The following NAA50 variants were observed in gnomAD, a reference collection of about 807,000 sequenced individuals.
NAA50 encodes N-alpha-acetyltransferase 50.
A neutral mutation model predicts 20.7 loss-of-function variants in NAA50; 7 were observed. The ratio of observed to expected loss-of-function variants is 0.34; its 90% CI spans 0.19 to 0.63. The LOEUF (loss-of-function observed/expected upper bound fraction) is 0.63. NAA50 is among the 30% of genes least tolerant of loss of function. The probability of loss-of-function intolerance (pLI) is 0.75; values close to 1 mark genes in which losing one functional copy is unlikely to be tolerated. For missense variants in NAA50, 111 were observed against 199.1 expected (o/e 0.56, Z 2.66); for synonymous variants, 54 against 70.6 (o/e 0.77, Z 1.18).
At chr3:113,730,025 C>T (rs1708252077) in intron 1 of NAA50, among the ~76,000 whole-genome samples, 1 of 152,102 alleles carries the variant, frequency 6.6e-6, no homozygotes, top group African/African-American at 2.4e-5. Context: ...ATGGGCCAGG[C>T]ACAGTGGCTC....
chr3:113,728,079 TAAAAA>T (rs11429752), intron 1 of NAA50, among the ~76,000 whole-genome samples: 1 of 140,722 alleles, frequency 7.1e-6, no homozygotes, highest in Non-Finnish European at 1.5e-5. Flanking sequence ...AACACGGAGT[TAAAAA>T]AAAAAAAAGG....
In NAA50 at chr3:113,719,418, CAA is replaced by C. The variant is rs1559735839; in HGVS notation, c.*2340_*2341del. Reference sequence around the variant, plus strand: ...TCCAGTTAACAGAATTGTTCTACTTCAAAGATAATTATTATCATATATCAAAA... The same window carrying C: ...TCCAGTTAACAGAATTGTTCTACTTCAGATAATTATTATCATATATCAAAA... On this transcript the variant is annotated 3_prime_UTR_variant, in exon 5 of 5. Transcript: ENST00000240922. 6.6e-6 allele frequency: 1 copy of C among 152,546 alleles called. No homozygotes were observed. Among genetic ancestry groups the C allele is most frequent in the Non-Finnish European group, 1.5e-5 (1 of 67,994 alleles). 9.4% of individuals were successfully genotyped at this position (152,546 alleles called of 1,614,324 possible). A position where few individuals can be genotyped will look rare whatever the true frequency, so the allele number is the denominator to read the frequency against.
intron 3 of NAA50, 70 bp from the exon 4 acceptor site, chr3:113,723,042 G>A: frequency 6.9e-7 from 1 of 1,443,710 alleles, no homozygotes; most frequent in Non-Finnish European, 9.2e-7. Flanking sequence ...CTATCCACTT[G>A]CCATCTGAAC....
At chr3:113,733,346 T>C (rs1031581717) in intron 1 of NAA50, among the ~76,000 whole-genome samples, 9 of 152,206 alleles carry the variant, frequency 5.9e-5, no homozygotes, top group African/African-American at 1.7e-4. Context: ...TCAATTTTTT[T>C]TTTTAATTAG....
rs1199693263 is a variant in NAA50, at chr3:113,721,659, A to T, written c.*101T>A. On this transcript the variant is annotated 3_prime_UTR_variant, in exon 5 of 5. Coordinates refer to ENST00000240922, the MANE Select transcript of NAA50 (RefSeq NM_025146.4). ...GAAAGAAAAACAAGAACAAGGAGGG[A>T]GAAAAGCTTTAAAAGAAAAGTGTTG... is the stretch of plus-strand genomic sequence containing the variant. 1 of 1,213,624 alleles carries T rather than the reference A, an allele frequency of 8.2e-7. No individual in the cohort carries two copies. Among genetic ancestry groups the T allele is most frequent in the African/African-American group, 1.5e-5 (1 of 65,562 alleles). The allele number at this position is 1,213,624 out of a possible 1,614,324, so 75.2% of individuals were successfully genotyped here.
In NAA50 at chr3:113,746,205, C is replaced by A. The variant is rs1437097463; in HGVS notation, c.-256G>T. The A allele has an allele frequency of 4.0e-6, 2 of 502,616 alleles. No individual in the cohort carries two copies. Among genetic ancestry groups the A allele is most frequent in the African/African-American group, 2.1e-5 (1 of 48,758 alleles). The allele number at this position is 502,616 out of a possible 1,614,324, so 31.1% of individuals were successfully genotyped here. ...TGCACTCGGGTCTCTCGGCTCCCTC[C>A]CGCCGCTGCCGCCAGCCAGACCCGC... On this transcript the variant is annotated 5_prime_UTR_variant, in exon 1 of 5. Coordinates refer to ENST00000240922, the MANE Select transcript of NAA50 (RefSeq NM_025146.4).
intron 1 of NAA50, among the ~76,000 whole-genome samples, chr3:113,739,051 A>G (rs1260368764): frequency 6.6e-6 from 1 of 152,258 alleles, no homozygotes; most frequent in African/African-American, 2.4e-5. Context: ...AAAATGGTAT[A>G]TGTCCAAACT....
intron 1 of NAA50, among the ~76,000 whole-genome samples, chr3:113,744,216 C>G (rs920024199): frequency 1.3e-5 from 2 of 152,182 alleles, no homozygotes; most frequent in Non-Finnish European, 2.9e-5. Flanking sequence ...AATCCCAGCA[C>G]TTTGGGAGGC....
At chr3:113,723,909 G>C in intron 2 of NAA50, 50 bp downstream of exon 2, 2 of 1,450,000 alleles carry the variant, frequency 1.4e-6, no homozygotes, top group Non-Finnish European at 1.8e-6. Context: ...TAGGGTTCAA[G>C]AACAAAAAGA....
At chr3:113,729,999 G>A (rs1708251914) in intron 1 of NAA50, among the ~76,000 whole-genome samples, 2 of 152,056 alleles carry the variant, frequency 1.3e-5, no homozygotes, top group East Asian at 1.9e-4. Flanking sequence ...TGGAGTATCT[G>A]GTCCATTAAG....
chr3:113,743,090 T>G (rs1301609882), intron 1 of NAA50, among the ~76,000 whole-genome samples: 1 of 152,184 alleles, frequency 6.6e-6, no homozygotes, highest in East Asian at 1.9e-4. Context: ...ATAAATTACA[T>G]TCAGTAGTTA....
chr3:113,721,984 A>C (rs1321663183), intron 4 of NAA50, 47 bp from the exon 5 acceptor site: 9 of 1,561,066 alleles, frequency 5.8e-6, no homozygotes, highest in Non-Finnish European at 7.8e-6. Context: ...TTAAGGTTTC[A>C]TCAAGTTTTA....
Position 113,721,682 on chromosome 3 carries a change from T to C in NAA50, c.*78A>G, listed in dbSNP as rs567244446. 10 of 1,442,284 alleles carry C rather than the reference T, an allele frequency of 6.9e-6. No individual in the cohort carries two copies. Among genetic ancestry groups the C allele is most frequent in the African/African-American group, 4.3e-5 (3 of 70,374 alleles). 89.3% of individuals were successfully genotyped at this position (1,442,284 alleles called of 1,614,324 possible). A position where few individuals can be genotyped will look rare whatever the true frequency, so the allele number is the denominator to read the frequency against. ...GGAGAAAAGCTTTAAAAGAAAAGTG[T>C]TGGGGTGGGGGAGGAATCAATGGGC... is the stretch of plus-strand genomic sequence containing the variant. On this transcript the variant is annotated 3_prime_UTR_variant, in exon 5 of 5. Transcript: ENST00000240922.
At chr3:113,735,990 TCA>T (rs1466203430) in intron 1 of NAA50, among the ~76,000 whole-genome samples, 3 of 152,200 alleles carry the variant, frequency 2.0e-5, no homozygotes, top group East Asian at 1.9e-4. Context: ...CTGGCCTGAT[TCA>T]CAGTTTTTCC....
At chr3:113,728,326 A>G (rs1708226501) in intron 1 of NAA50, among the ~76,000 whole-genome samples, 5 of 152,246 alleles carry the variant, frequency 3.3e-5, no homozygotes, top group Admixed American at 3.3e-4. Context: ...ATTTCAATAA[A>G]TATTTGAGTA....
Position 113,721,503 on chromosome 3 carries a change from C to T in NAA50, c.*257G>A, listed in dbSNP as rs1489936139. On this transcript the variant is annotated 3_prime_UTR_variant, in exon 5 of 5. Coordinates refer to ENST00000240922, the MANE Select transcript of NAA50 (RefSeq NM_025146.4). ...AATGTTTAGGACCATCTAACTTCAA[C>T]TGCAAAACTAAACAGATCTACCTTG... 6 of 492,956 alleles carry T rather than the reference C, an allele frequency of 1.2e-5. No homozygotes were observed. The highest frequency in any genetic ancestry group is 1.2e-4 in the African/African-American group (6 of 51,076). The allele number at this position is 492,956 out of a possible 1,614,324, so 30.5% of individuals were successfully genotyped here. A position where few individuals can be genotyped will look rare whatever the true frequency, so the allele number is the denominator to read the frequency against.
Position 113,724,094 on chromosome 3 carries a change from T to C in NAA50, c.10A>G (p.Ser4Gly). ...GTCACATCTCCCAGCTCGATCCGGCTACTGGAACAAATCAAAATGTACTCA... is the reference window on the plus strand; with the variant it reads ...GTCACATCTCCCAGCTCGATCCGGCCACTGGAACAAATCAAAATGTACTCA... MKG[S>G]RIELGDVTPH... The change falls in exon 2 of 5, where the codon AGC becomes GGC. Residue 4 changes from serine (S) to glycine (G), a missense_variant and splice_region_variant. Physicochemically the swap from Ser to Gly is moderately conservative, Grantham distance 56 (BLOSUM62 0). Coordinates refer to ENST00000240922, the MANE Select transcript of NAA50 (RefSeq NM_025146.4). 6.4e-7 allele frequency: 1 copy of C among 1,570,756 alleles called. No individual in the cohort carries two copies. Among genetic ancestry groups the C allele is most frequent in the Middle Eastern group, 1.7e-4 (1 of 5,882 alleles).
At chr3:113,735,041 T>C (rs1313797217) in intron 1 of NAA50, among the ~76,000 whole-genome samples, 1 of 152,216 alleles carries the variant, frequency 6.6e-6, no homozygotes, top group Non-Finnish European at 1.5e-5. Flanking sequence ...TTGACAGCTA[T>C]TTCCTGAAAC....
intron 1 of NAA50, among the ~76,000 whole-genome samples, chr3:113,742,606 T>C (rs2107996376): frequency 6.6e-6 from 1 of 152,262 alleles, no homozygotes; most frequent in South Asian, 2.1e-4. Flanking sequence ...CTTTTGCCCC[T>C]TCCCAGTCCA....
Sources: gnomAD v4.1 joint callset for allele counts (sites outside exome capture counted in the v4.1 genomes callset) on GRCh38, gnomAD v4.1.1 for gene constraint, MANE v1.5 for transcripts, NCBI Gene and HGNC (gene_info 2026-07-23, HGNC 2026-07-21) for gene names.